EXOSC10: variants seen among roughly 807,000 people sequenced by gnomAD.
EXOSC10 encodes the protein exosome component 10, also known as exosome complex component 10.
Under a neutral mutation model 126.6 loss-of-function variants are expected in EXOSC10, and 94 were observed. The ratio of observed to expected loss-of-function variants is 0.74; its 90% CI spans 0.63 to 0.88. The LOEUF (loss-of-function observed/expected upper bound fraction) is 0.88, where lower values mean the gene tolerates loss of function less well. EXOSC10 is among the 40% of genes least tolerant of loss of function. The probability of loss-of-function intolerance (pLI) is 0.00; values close to 1 mark genes in which losing one functional copy is unlikely to be tolerated. For missense variants in EXOSC10, 1,041 were observed against 1,100.5 expected (o/e 0.95, Z 0.77); for synonymous variants, 395 against 400.8 (o/e 0.99, Z 0.17).
At chr1:11,099,642 C>A (rs1411966306) in intron 1 of EXOSC10, 79 bp downstream of exon 1, 2 of 1,385,774 alleles carry the variant, frequency 1.4e-6, no homozygotes, top group Non-Finnish European at 1.9e-6. Context: ...GGCGGGCGGG[C>A]ATTGGCTGCC....
intron 20 of EXOSC10, chr1:11,071,249 G>A (rs1475300452): frequency 4.6e-6 from 2 of 432,426 alleles, no homozygotes; most frequent in African/African-American, 2.0e-5. Flanking sequence ...TGGACCTGAG[G>A]GCGTTTAACA....
intron 9 of EXOSC10, among the ~76,000 whole-genome samples, chr1:11,083,561 T>TGAAAAAAAAAAAAAA (rs1640298054): frequency 3.3e-5 from 1 of 30,406 alleles, no homozygotes; most frequent in African/African-American, 1.2e-4. Flanking sequence ...AAACTCCGTC[T>TGAAAAAAAAAAAAAA]CAAAAAAAAA....
At position 11,088,132 on chromosome 1, in the gene EXOSC10, T is replaced by C. The variant is rs1355762810; in HGVS notation, c.825A>G (p.Pro275=). 27 of 1,613,550 alleles carry C rather than the reference T, an allele frequency of 1.7e-5. No homozygotes were observed. Among genetic ancestry groups the C allele is most frequent in the Non-Finnish European group, 2.1e-5 (25 of 1,179,700 alleles). Residue 275 remains proline (P), a synonymous_variant, in exon 7 of 25, where the codon CCA becomes CCG. Coordinates refer to ENST00000376936, the MANE Select transcript of EXOSC10 (RefSeq NM_001001998.3). ...FTPADAVLQK[P]QPQLYRPIEE... is the part of the protein sequence containing the mutation. Reference sequence around the variant, plus strand: ...AAGGCTGGGTACTAACCTGGGGTTGTGGCTTTTGAAGCACTGCATCTGCTG... The same window carrying C: ...AAGGCTGGGTACTAACCTGGGGTTGCGGCTTTTGAAGCACTGCATCTGCTG...
Position 11,074,225 on chromosome 1 carries a change from A to G in EXOSC10, c.2082+6T>C, listed in dbSNP as rs1325856513. On this transcript the variant is annotated splice_donor_region_variant and intron_variant, in intron 18 of 24. Coordinates refer to ENST00000376936, the MANE Select transcript of EXOSC10 (RefSeq NM_001001998.3). The stretch of plus-strand genomic sequence containing the variant: ...TCCTGTCAGCCCTGACAAAACTACT[A>G]CTCACCATCCTAAATGGATTTTCAA... 1 of 1,609,432 alleles carries G rather than the reference A, an allele frequency of 6.2e-7. No individual in the cohort carries two copies. Among genetic ancestry groups the G allele is most frequent in the African/African-American group, 1.3e-5 (1 of 74,648 alleles).
At chr1:11,090,002 T>A (rs1236393965) in intron 6 of EXOSC10, among the ~76,000 whole-genome samples, 1 of 150,148 alleles carries the variant, frequency 6.7e-6, no homozygotes, top group African/African-American at 2.5e-5. Context: ...ACATCTTTTT[T>A]TTTTTTTTTT....
At position 11,066,663 on chromosome 1, in the gene EXOSC10, A is replaced by C; in HGVS notation, c.*55T>G. Reference sequence around the variant, plus strand: ...ATGGTTTAAAAATATGTATGTACAAAAGCAGCACCAGCATTTGGTGCTTCC... The same window carrying C: ...ATGGTTTAAAAATATGTATGTACAACAGCAGCACCAGCATTTGGTGCTTCC... On this transcript the variant is annotated 3_prime_UTR_variant, in exon 25 of 25. Coordinates refer to ENST00000376936, the MANE Select transcript of EXOSC10 (RefSeq NM_001001998.3). 1 of 1,590,656 alleles carries C rather than the reference A, an allele frequency of 6.3e-7. No homozygotes were observed. The highest frequency in any genetic ancestry group is 8.6e-7 in the Non-Finnish European group (1 of 1,158,652).
rs753036967 is a variant in EXOSC10, at chr1:11,095,912, A to G, written c.249-31T>C. The G allele has an allele frequency of 8.7e-6, 14 of 1,603,838 alleles. No homozygotes were observed. In the East Asian group the frequency reaches 3.1e-4, roughly 36 times the overall value. On this transcript the variant is annotated intron_variant, in intron 2 of 24. Coordinates refer to ENST00000376936, the MANE Select transcript of EXOSC10 (RefSeq NM_001001998.3). ...GAAAGGAAAACCAAGGTTAGCTTGT[A>G]GATTTTTATTTCACTTGTTTACATT... is the stretch of plus-strand genomic sequence containing the variant.
At chr1:11,077,496 A>G in intron 15 of EXOSC10, 53 bp from the exon 16 acceptor site, 1 of 1,602,034 alleles carries the variant, frequency 6.2e-7, no homozygotes, top group Non-Finnish European at 8.6e-7. Flanking sequence ...AGCCGGCAGT[A>G]GCTTTCTGCC....
chr1:11,066,707 G>A lies in EXOSC10; in HGVS notation c.*11C>T. 6.2e-7 allele frequency: 1 copy of A among 1,614,160 alleles called. No individual in the cohort carries two copies. Among genetic ancestry groups the A allele is most frequent in the South Asian group, 1.1e-5 (1 of 91,080 alleles). ...TGCTTCCGGTCCACAGGCGCCACGT[G>A]TCTTCCAGGACTATCTCTGTGGCCA... On this transcript the variant is annotated 3_prime_UTR_variant, in exon 25 of 25. Transcript: ENST00000376936.
At chr1:11,082,934 A>ACCT in intron 9 of EXOSC10, 56 bp from the exon 10 acceptor site, 2 of 1,365,466 alleles carry the variant, frequency 1.5e-6, no homozygotes, top group South Asian at 2.4e-5. Flanking sequence ...TCATGCTCAG[A>ACCT]AATTAACTCT....
intron 1 of EXOSC10, 111 bp downstream of exon 1, chr1:11,099,610 A>C: frequency 4.8e-6 from 6 of 1,247,194 alleles, no homozygotes; most frequent in Non-Finnish European, 6.5e-6. Context: ...GGGCCCCGCG[A>C]CCCTCGCTCG....
At chr1:11,079,381 C>T (rs1042094443) in intron 14 of EXOSC10, among the ~76,000 whole-genome samples, 17 of 150,240 alleles carry the variant, frequency 1.1e-4, no homozygotes, top group African/African-American at 4.2e-4. Flanking sequence ...AAGTTGGGAC[C>T]CTTCAGTAGA....
intron 6 of EXOSC10, 42 bp from the exon 7 acceptor site, chr1:11,088,240 C>T: frequency 6.8e-7 from 1 of 1,468,822 alleles, no homozygotes; most frequent in Non-Finnish European, 9.4e-7. Flanking sequence ...CTGATTAATT[C>T]CATGATTCAA....
At chr1:11,090,774 CAG>C in intron 5 of EXOSC10, 106 bp from the exon 6 acceptor site, 1 of 891,838 alleles carries the variant, frequency 1.1e-6, no homozygotes, top group Non-Finnish European at 1.7e-6. Context: ...TTTTTTGAGA[CAG>C]GGTCATGTTC....
chr1:11,091,040 G>T lies in EXOSC10; in HGVS notation c.617C>A (p.Pro206His), dbSNP rs759423094. ...TPFLPKIFIKPNAQKPLPQAL... is the reference protein window; with the variant it reads ...TPFLPKIFIKHNAQKPLPQAL... ...TTGAGGGAGAGGTTTCTGAGCATTG[G>T]GTTTGATGAAGATTTTAGGAAGAAA... is the stretch of plus-strand genomic sequence containing the variant. Residue 206 changes from proline (P) to histidine (H), a missense_variant, in exon 5 of 25, where the codon CCC (proline) becomes CAC (histidine). Pro to His is a moderately conservative substitution (Grantham distance 77, BLOSUM62 -2). Around this residue, in one of 3 missense-constraint regions of EXOSC10, gnomAD observed 645 missense variants for 656.3 expected, o/e 0.98. Coordinates refer to ENST00000376936, the MANE Select transcript of EXOSC10 (RefSeq NM_001001998.3). The T allele has an allele frequency of 9.3e-6, 15 of 1,614,002 alleles. No individual in the cohort carries two copies. In the African/African-American group the frequency reaches 1.6e-4, roughly 17 times the overall value.
chr1:11,090,985 C>G (rs1457430306), intron 5 of EXOSC10, 29 bp downstream of exon 5: 1 of 1,605,414 alleles, frequency 6.2e-7, no homozygotes, highest in Admixed American at 1.7e-5. Context: ...AAGTGAGACT[C>G]AAACACAGGC....
Position 11,099,838 on chromosome 1 carries a change from A to G in EXOSC10, c.-7T>C, listed in dbSNP as rs1308719273. The G allele has an allele frequency of 6.3e-7, 1 of 1,599,506 alleles. No homozygotes were observed. Reference sequence around the variant, plus strand: ...GGGTACTGGGTGGCGCCATTTTTTCAGCCTGCACGGCTCGTCTCGCGAGAG... The same window carrying G: ...GGGTACTGGGTGGCGCCATTTTTTCGGCCTGCACGGCTCGTCTCGCGAGAG... On this transcript the variant is annotated 5_prime_UTR_variant, in exon 1 of 25. Coordinates refer to ENST00000376936, the MANE Select transcript of EXOSC10 (RefSeq NM_001001998.3).
intron 15 of EXOSC10, 23 bp downstream of exon 15, chr1:11,077,577 GA>G: frequency 6.2e-7 from 1 of 1,613,826 alleles, no homozygotes; most frequent in Non-Finnish European, 8.5e-7. Context: ...CCTCCTGGGG[GA>G]GAAAACAGAT....
chr1:11,087,726 T>G (rs751988009), intron 8 of EXOSC10, 74 bp downstream of exon 8: 24 of 1,472,222 alleles, frequency 1.6e-5, no homozygotes, highest in Non-Finnish European at 2.1e-5. Context: ...CAATTAGTAT[T>G]AATTTTATAC....
Sources: allele counts gnomAD v4.1 joint callset (sites outside exome capture counted in the v4.1 genomes callset), GRCh38; gene constraint gnomAD v4.1.1; regional missense constraint gnomAD v4.1.1; transcripts MANE v1.5; gene names NCBI Gene and HGNC (gene_info 2026-07-23, HGNC 2026-07-21).